Variants in ITPR1 observed in about 807,000 individuals in gnomAD.
ITPR1 encodes inositol 1,4,5-trisphosphate receptor type 1.
Under a neutral mutation model 318.4 loss-of-function variants are expected in ITPR1, and 96 were observed. The observed-to-expected ratio is 0.30, with a 90% CI of 0.26 to 0.36. The LOEUF (loss-of-function observed/expected upper bound fraction) is 0.36. Ranked by LOEUF, ITPR1 falls within the 10% of genes least tolerant of loss-of-function variation. ITPR1 has a pLI of 1.00. For missense variants in ITPR1, 2,440 were observed against 3,460.2 expected, an observed-to-expected ratio of 0.71 and a Z score of 7.40; for synonymous variants, 1,312 against 1,289.9, an observed-to-expected ratio of 1.02 and a Z score of -0.37.
At chr3:4,548,922 A>G (rs1271540216) in intron 4 of ITPR1, among the ~76,000 whole-genome samples, 1 of 152,194 alleles carries the variant, frequency 6.6e-6, no homozygotes, top group Non-Finnish European at 1.5e-5. Flanking sequence ...CTCCCTTCTC[A>G]GTAAAAACTG....
At chr3:4,675,294 C>G (rs754405333) in intron 23 of ITPR1, 46 bp downstream of exon 23, 1 of 1,411,852 alleles carries the variant, frequency 7.1e-7, no homozygotes, top group South Asian at 1.2e-5. Context: ...GCCCTCCAGC[C>G]TTTCCTGTTA....
chr3:4,811,035 C>A (rs1476871713), intron 55 of ITPR1, among the ~76,000 whole-genome samples: 5 of 152,230 alleles, frequency 3.3e-5, no homozygotes, highest in African/African-American at 1.2e-4. Context: ...GCTCTGGATA[C>A]TACTTGAAGT....
chr3:4,570,748 G>T (rs534203571), intron 4 of ITPR1, among the ~76,000 whole-genome samples: 3 of 152,190 alleles, frequency 2.0e-5, no homozygotes, highest in African/African-American at 7.2e-5. Context: ...GGCCATTTTG[G>T]GGAGCCAAGT....
At position 4,674,234 on chromosome 3, in the gene ITPR1, T is replaced by A. The variant is rs1323917039; in HGVS notation, c.2489T>A (p.Ile830Asn). 1 of 1,559,544 alleles carries A rather than the reference T, an allele frequency of 6.4e-7. No homozygotes were observed. Among genetic ancestry groups the A allele is most frequent in the African/African-American group, 1.4e-5 (1 of 73,606 alleles). The stretch of plus-strand genomic sequence containing the variant: ...AGTAGTGGAGCTTCCAAAGATGAAA[T>A]TAAGGAGAGATTTGCTCAGACCATG... ...YDSSGASKDE[I>N]KERFAQTMEF... Residue 830 changes from isoleucine (I) to asparagine (N), a missense_variant, in exon 22 of 62, where the codon ATT (isoleucine) becomes AAT (asparagine). Ile to Asn is a moderately radical substitution (Grantham distance 149, BLOSUM62 -3). Around this residue, in one of 23 missense-constraint regions of ITPR1, gnomAD observed 478 missense variants for 696.3 expected, o/e 0.69. Transcript: ENST00000649015.
At chr3:4,812,055 TTC>T (rs1398618060) in intron 56 of ITPR1, among the ~76,000 whole-genome samples, 9 of 137,714 alleles carry the variant, frequency 6.5e-5, no homozygotes, top group Non-Finnish European at 9.7e-5. Flanking sequence ...TTTTTTTTTT[TTC>T]GAGACAGGAT....
intron 2 of ITPR1, among the ~76,000 whole-genome samples, chr3:4,514,491 G>T (rs114082931): frequency 0.01 from 1,591 of 152,244 alleles, 31 homozygotes; most frequent in African/African-American, 0.036. Flanking sequence ...TTTCAGTAAG[G>T]TATCCAGGTG....
chr3:4,741,674 C>A (rs1559811247), intron 44 of ITPR1, among the ~76,000 whole-genome samples: 1 of 152,124 alleles, frequency 6.6e-6, no homozygotes, highest in Non-Finnish European at 1.5e-5. Context: ...CTATCTCTGA[C>A]CCCAGTTAGC....
chr3:4,617,830 C>CAAAA (rs34216867), intron 4 of ITPR1, among the ~76,000 whole-genome samples: 82 of 141,616 alleles, frequency 5.8e-4, no homozygotes, highest in Non-Finnish European at 1.0e-3. Flanking sequence ...TTAAAAAATG[C>CAAAA]AAAAAAAAAA....
intron 38 of ITPR1, 96 bp from the exon 39 acceptor site, chr3:4,711,660 TG>T (rs1178355177): frequency 1.4e-6 from 1 of 707,788 alleles, no homozygotes; most frequent in African/African-American, 1.8e-5. Context: ...AATAAATATT[TG>T]TTCATTAACG....
At chr3:4,701,751 T>A (rs2094657316) in intron 35 of ITPR1, among the ~76,000 whole-genome samples, 2 of 148,722 alleles carry the variant, frequency 1.3e-5, no homozygotes, top group African/African-American at 5.2e-5. Context: ...ACAGAATTGT[T>A]CACTGAGGCC....
intron 44 of ITPR1, among the ~76,000 whole-genome samples, chr3:4,760,247 A>G (rs7636273): frequency 0.016 from 2,449 of 152,360 alleles, 22 homozygotes; most frequent in Non-Finnish European, 0.026. Context: ...GACAGCTTAT[A>G]TGGAAAGGGC....
chr3:4,843,646 T>A lies in ITPR1; in HGVS notation c.8191-2493T>A, dbSNP rs958515332. Among the ~76,000 whole-genome samples, 8 of 152,308 alleles carry A rather than the reference T, an allele frequency of 5.3e-5. No individual in the cohort carries two copies. In the East Asian group the frequency reaches 1.5e-3, roughly 29 times the overall value. ...CAGAAAAGAACATTAGATGTGTAGT[T>A]GGTACTTAAAATTATCAGGAATATG... On this transcript the variant is annotated intron_variant, in intron 61 of 61. Transcript: ENST00000649015.
intron 18 of ITPR1, 40 bp downstream of exon 18, chr3:4,667,589 C>A (rs748520239): frequency 1.3e-6 from 2 of 1,567,560 alleles, no homozygotes; most frequent in South Asian, 2.3e-5. Flanking sequence ...GGTGTCTCTG[C>A]CTGTAAGATG....
In ITPR1 at chr3:4,670,743, G is replaced by A. The variant is rs754506271; in HGVS notation, c.2021G>A (p.Arg674His). The A allele has an allele frequency of 6.3e-6, 10 of 1,591,538 alleles. No homozygotes were observed. The highest frequency in any genetic ancestry group is 1.3e-5 in the African/African-American group (1 of 74,526). Residue 674 changes from arginine to histidine, a missense_variant, in exon 20 of 62, where the codon CGT becomes CAT. Physicochemically the swap from Arg to His is conservative, Grantham distance 29 (BLOSUM62 0). This residue lies in a region of ITPR1 where 478 missense variants were observed against 696.3 expected (regional missense o/e 0.69). Coordinates refer to ENST00000649015, the MANE Select transcript of ITPR1 (RefSeq NM_001378452.1). Reference protein sequence around the residue: ...ILIETKLVLSRFEFEGVSSTG... With the variant: ...ILIETKLVLSHFEFEGVSSTG... ...TTGTTTTCTAGGTTGGTTCTTTCTCGTTTTGAATTTGAAGGTGTCTCTTCC... is the reference window on the plus strand; with the variant it reads ...TTGTTTTCTAGGTTGGTTCTTTCTCATTTTGAATTTGAAGGTGTCTCTTCC...
intron 34 of ITPR1, among the ~76,000 whole-genome samples, chr3:4,698,657 G>A (rs755488205): frequency 3.9e-5 from 6 of 152,224 alleles, no homozygotes; most frequent in Middle Eastern, 3.4e-3. Flanking sequence ...TGATTTTGCC[G>A]ATCCTTGCAT....
At chr3:4,827,591 C>T (rs779861051) in intron 60 of ITPR1, among the ~76,000 whole-genome samples, 15 of 152,282 alleles carry the variant, frequency 9.9e-5, no homozygotes, top group Non-Finnish European at 1.6e-4. Context: ...TTTTACAAAT[C>T]CTCTCTCTTC....
chr3:4,701,727 G>C (rs1225678152), intron 35 of ITPR1, among the ~76,000 whole-genome samples: 1 of 152,082 alleles, frequency 6.6e-6, no homozygotes, highest in Non-Finnish European at 1.5e-5. Flanking sequence ...GTGACGGGAA[G>C]GTAATTCCAA....
At chr3:4,682,653 A>G (rs548721709) in intron 26 of ITPR1, among the ~76,000 whole-genome samples, 1 of 152,312 alleles carries the variant, frequency 6.6e-6, no homozygotes, top group Admixed American at 6.5e-5. Flanking sequence ...GTGATCACTC[A>G]GCTCTCCCGC....
chr3:4,759,626 G>C (rs894929668), intron 44 of ITPR1, among the ~76,000 whole-genome samples: 1 of 152,222 alleles, frequency 6.6e-6, no homozygotes, highest in Non-Finnish European at 1.5e-5. Flanking sequence ...TCAATGGCAA[G>C]AGGGAGGGGA....
Sources: gnomAD v4.1 joint callset for allele counts (sites outside exome capture counted in the v4.1 genomes callset) on GRCh38, gnomAD v4.1.1 for gene constraint, gnomAD v4.1.1 regional missense constraint, MANE v1.5 for transcripts, NCBI Gene and HGNC (gene_info 2026-07-23, HGNC 2026-07-21) for gene names.